C6orf132: variants seen among roughly 807,000 people sequenced by gnomAD.
C6orf132 encodes uncharacterized protein C6orf132.
A neutral mutation model predicts 65.3 loss-of-function variants in C6orf132; 43 were observed. The observed-to-expected ratio is 0.66, with a 90% CI of 0.52 to 0.85. C6orf132 has a LOEUF of 0.85. Ranked by LOEUF, C6orf132 falls within the 40% of genes least tolerant of loss-of-function variation. The pLI is 0.00. For missense variants in C6orf132, 1,488 were observed against 1,548.8 expected (o/e 0.96, Z 0.66); for synonymous variants, 631 against 654.1 (o/e 0.96, Z 0.54).
Position 42,124,582 on chromosome 6 carries a change from G to A in C6orf132, c.252+4090C>T, listed in dbSNP as rs1766736756. Among the ~76,000 whole-genome samples the A allele has an allele frequency of 6.6e-6, 1 of 152,208 alleles. No homozygotes were observed. The highest frequency in any genetic ancestry group is 1.5e-5 in the Non-Finnish European group (1 of 68,038). On this transcript the variant is annotated intron_variant, in intron 2 of 4. Coordinates refer to ENST00000341865, the MANE Select transcript of C6orf132 (RefSeq NM_001164446.3). This position sits in a 1 kb window ranked among gnomAD's most constrained non-coding sequence, Gnocchi z 4.0. ...AATGTGGGAAGGGAGGACAGGGAGG[G>A]GTGGAGGCCTGGCCGGCTGGGACAG...
At chr6:42,117,939 A>AAAAAG (rs1766607528) in intron 2 of C6orf132, among the ~76,000 whole-genome samples, 1 of 151,326 alleles carries the variant, frequency 6.6e-6, no homozygotes, top group Non-Finnish European at 1.5e-5. Flanking sequence ...AAAAAAAAAA[A>AAAAAG]AAAAAAAAAA....
intron 1 of C6orf132, among the ~76,000 whole-genome samples, chr6:42,129,091 CG>C (rs1189270432): frequency 6.6e-6 from 1 of 152,192 alleles, no homozygotes; most frequent in Non-Finnish European, 1.5e-5. Context: ...AATGGTCCCT[CG>C]TTTTTGGAGC....
chr6:42,137,310 A>C (rs753292695), intron 1 of C6orf132, among the ~76,000 whole-genome samples: 1 of 152,104 alleles, frequency 6.6e-6, no homozygotes, highest in Non-Finnish European at 1.5e-5. Context: ...GTGACAAGAG[A>C]AGCTTATACA....
intron 2 of C6orf132, among the ~76,000 whole-genome samples, chr6:42,110,988 AAAAC>A (rs778434052): frequency 3.3e-5 from 5 of 152,256 alleles, no homozygotes; most frequent in Non-Finnish European, 5.9e-5. Flanking sequence ...TGAAAAAGAC[AAAAC>A]AAACAAATAG....
In C6orf132 at chr6:42,124,158, C is replaced by T. The variant is rs1375939483; in HGVS notation, c.252+4514G>A. 2.0e-5 allele frequency among the ~76,000 whole-genome samples: 3 copies of T among 152,214 alleles called. No homozygotes were observed. The highest frequency in any genetic ancestry group is 4.4e-5 in the Non-Finnish European group (3 of 68,032). The stretch of plus-strand genomic sequence containing the variant: ...AGGAAGGGACTGGCCTGCAGCCACC[C>T]CGCATCCCAGCAGCAGAGCTGGGAC... On this transcript the variant is annotated intron_variant, in intron 2 of 4. Coordinates refer to ENST00000341865, the MANE Select transcript of C6orf132 (RefSeq NM_001164446.3). This position sits in a 1 kb window ranked among gnomAD's most constrained non-coding sequence, Gnocchi z 4.0.
chr6:42,142,406 T>C lies in C6orf132; in HGVS notation c.39A>G (p.Lys13=). The change falls in exon 1 of 5, where the codon AAA becomes AAG. Residue 13 remains lysine (K), a synonymous_variant. Coordinates refer to ENST00000341865, the MANE Select transcript of C6orf132 (RefSeq NM_001164446.3). ...TCGTGGTGTGCTTCTTCCCGAAGAG[T>C]TTGCTGAAGGTGCCCTGCACCGTCT... is the stretch of plus-strand genomic sequence containing the variant. The part of the protein sequence containing the change: ...KKQTVQGTFS[K]LFGKKHTTTP... 1.9e-6 allele frequency: 3 copies of C among 1,551,220 alleles called. No homozygotes were observed. Among genetic ancestry groups the C allele is most frequent in the Non-Finnish European group, 2.6e-6 (3 of 1,146,798 alleles).
Position 42,104,335 on chromosome 6 carries a change from G to A in C6orf132, c.3449+128C>T. The A allele has an allele frequency of 8.2e-7, 1 of 1,220,246 alleles. No homozygotes were observed. Among genetic ancestry groups the A allele is most frequent in the Non-Finnish European group, 1.0e-6 (1 of 980,094 alleles). The allele number at this position is 1,220,246 out of a possible 1,614,324, so 75.6% of individuals were successfully genotyped here. A position where few individuals can be genotyped will look rare whatever the true frequency, so the allele number is the denominator to read the frequency against. On this transcript the variant is annotated intron_variant, in intron 4 of 4. Coordinates refer to ENST00000341865, the MANE Select transcript of C6orf132 (RefSeq NM_001164446.3). This position sits in a 1 kb window ranked among gnomAD's most constrained non-coding sequence, Gnocchi z 4.1. ...CTCCCGGTAAGTGGGCCTCCCTCCC[G>A]CGTTCTACCTGCAAGGCCGAAGGGA...
At chr6:42,138,353 G>A (rs546025745) in intron 1 of C6orf132, among the ~76,000 whole-genome samples, 4 of 152,246 alleles carry the variant, frequency 2.6e-5, no homozygotes, top group South Asian at 2.1e-4. Flanking sequence ...GTGCAGTGGC[G>A]CAATCTTGGC....
chr6:42,133,946 G>A (rs1248760729), intron 1 of C6orf132, among the ~76,000 whole-genome samples: 2 of 152,058 alleles, frequency 1.3e-5, no homozygotes, highest in Admixed American at 6.6e-5. Context: ...CTGGTGCCAA[G>A]CAGGAGACTT....
In C6orf132 at chr6:42,106,460, C is replaced by A; in HGVS notation, c.1452G>T (p.Glu484Asp). ...CTGGCCTGTGACTGAGGAATCGGTCCTCTCTCCTGGAGCCACAGAGATAGG... is the reference window on the plus strand; with the variant it reads ...CTGGCCTGTGACTGAGGAATCGGTCATCTCTCCTGGAGCCACAGAGATAGG... ...LAAYLCGSRR[E>D]DRFLSHRPGP... Residue 484 changes from glutamate to aspartate, a missense_variant, in exon 4 of 5, where the codon GAG (glutamate) becomes GAT (aspartate). Physicochemically the swap from Glu to Asp is conservative, Grantham distance 45. Transcript: ENST00000341865. 6.5e-7 allele frequency: 1 copy of A among 1,536,350 alleles called. No individual in the cohort carries two copies. Among genetic ancestry groups the A allele is most frequent in the Non-Finnish European group, 8.7e-7 (1 of 1,146,856 alleles).
chr6:42,107,270 G>T lies in C6orf132; in HGVS notation c.642C>A (p.Phe214Leu). ...SSPSIPTPPD[F>L]IPPAPPLAFL... Reference sequence around the variant, plus strand: ...AGGCCAAGGGTGGGGCAGGGGGAATGAAGTCAGGAGGGGTGGGTATGGATG... The same window carrying T: ...AGGCCAAGGGTGGGGCAGGGGGAATTAAGTCAGGAGGGGTGGGTATGGATG... The change falls in exon 4 of 5, where the codon TTC (phenylalanine) becomes TTA (leucine). Residue 214 changes from phenylalanine to leucine, a missense_variant. By Grantham distance (22) the Phe-to-Leu change is conservative. Transcript: ENST00000341865. 3.9e-6 allele frequency: 3 copies of T among 776,354 alleles called. No homozygotes were observed. Among genetic ancestry groups the T allele is most frequent in the South Asian group, 1.9e-5 (1 of 52,938 alleles). 48.1% of individuals were successfully genotyped at this position (776,354 alleles called of 1,614,324 possible).
In C6orf132 at chr6:42,110,297, A is replaced by G; in HGVS notation, c.253-6T>C. ...CCATGGTTTTCCTGGGCATTCTGAA[A>G]GAGACCAGAAAGAAATCAGGGGACA... On this transcript the variant is annotated splice_polypyrimidine_tract_variant and splice_region_variant and intron_variant, in intron 2 of 4. Transcript: ENST00000341865. 1 of 1,545,362 alleles carries G rather than the reference A, an allele frequency of 6.5e-7. No individual in the cohort carries two copies. The highest frequency in any genetic ancestry group is 1.2e-5 in the South Asian group (1 of 82,832).
At position 42,104,365 on chromosome 6, in the gene C6orf132, A is replaced by C; in HGVS notation, c.3449+98T>G. The C allele has an allele frequency of 8.2e-7, 1 of 1,223,424 alleles. No individual in the cohort carries two copies. Among genetic ancestry groups the C allele is most frequent in the Non-Finnish European group, 1.0e-6 (1 of 982,992 alleles). The allele number at this position is 1,223,424 out of a possible 1,614,324, so 75.8% of individuals were successfully genotyped here. The stretch of plus-strand genomic sequence containing the variant: ...CTACCTGCAAGGCCGAAGGGAGAAA[A>C]CCAAATGTTTTCTCTTGACGGATGG... On this transcript the variant is annotated intron_variant, in intron 4 of 4. Transcript: ENST00000341865. This position sits in a 1 kb window ranked among gnomAD's most constrained non-coding sequence, Gnocchi z 4.1.
chr6:42,106,324 T>C lies in C6orf132; in HGVS notation c.1588A>G (p.Lys530Glu), dbSNP rs1455928921. 9 of 1,536,500 alleles carry C rather than the reference T, an allele frequency of 5.9e-6. No individual in the cohort carries two copies. Among genetic ancestry groups the C allele is most frequent in the Non-Finnish European group, 7.0e-6 (8 of 1,146,850 alleles). The change falls in exon 4 of 5, where the codon AAG (lysine) becomes GAG (glutamate). Residue 530 changes from lysine to glutamate, a missense_variant. Lys to Glu is a moderately conservative substitution (Grantham distance 56). Transcript: ENST00000341865. ...GTCAGGCTGCTGCCGCCAAGACTCT[T>C]TTCAGGAACACCTGGGGGAGTGTCC... ...AKDTPPGVPE[K>E]SLGGSSLTET...
chr6:42,103,900 G>A, intron 4 of C6orf132, 22 bp from the exon 5 acceptor site: 4 of 1,370,668 alleles, frequency 2.9e-6, no homozygotes, highest in Non-Finnish European at 3.8e-6. Context: ...CAAGAGATGT[G>A]AGGTGAATAT....
intron 1 of C6orf132, among the ~76,000 whole-genome samples, chr6:42,131,417 T>C (rs1766851494): frequency 6.6e-6 from 1 of 152,248 alleles, no homozygotes; most frequent in Non-Finnish European, 1.5e-5. Context: ...TTGGTAGTCA[T>C]TATCCCTGTT....
At chr6:42,122,585 C>T (rs1025919801) in intron 2 of C6orf132, among the ~76,000 whole-genome samples, 1 of 152,186 alleles carries the variant, frequency 6.6e-6, no homozygotes, top group African/African-American at 2.4e-5. Context: ...TAACACCCCA[C>T]ACCCCTCAAC....
chr6:42,136,619 G>A (rs1766947843), intron 1 of C6orf132, among the ~76,000 whole-genome samples: 1 of 152,220 alleles, frequency 6.6e-6, no homozygotes, highest in Admixed American at 6.5e-5. Flanking sequence ...CTGCCTTTCA[G>A]GGAAGCAGCG....
chr6:42,142,175 G>T, intron 1 of C6orf132, 125 bp downstream of exon 1: 1 of 1,111,494 alleles, frequency 9.0e-7, no homozygotes, highest in Non-Finnish European at 1.3e-6. Context: ...CCCGGCGGCT[G>T]CTCTCGGCCA....
Sources: allele counts gnomAD v4.1 joint callset (sites outside exome capture counted in the v4.1 genomes callset), GRCh38; gene constraint gnomAD v4.1.1; non-coding constraint Gnocchi (gnomAD v3.1); transcripts MANE v1.5; gene names NCBI Gene and HGNC (gene_info 2026-07-23, HGNC 2026-07-21).